CALML4: variants seen among roughly 807,000 people sequenced by gnomAD.
CALML4 encodes calmodulin like 4.
Under a neutral mutation model 17.9 loss-of-function variants are expected in CALML4, and 16 were observed. That is an observed-to-expected ratio of 0.89 (90% CI 0.61 to 1.36). The LOEUF (loss-of-function observed/expected upper bound fraction) is 1.36, where lower values mean the gene tolerates loss of function less well. Among genes scored for constraint, CALML4 ranks in the 40% most tolerant of loss-of-function variants. CALML4 has a pLI of 0.00. For missense variants in CALML4, 203 were observed against 194.8 expected, an observed-to-expected ratio of 1.04 and a Z score of -0.25; for synonymous variants, 86 against 71.5, an observed-to-expected ratio of 1.20 and a Z score of -1.02.
Position 68,197,519 on chromosome 15 carries a change from CT to C in CALML4, c.284del (p.Lys95ArgfsTer43). On this transcript the variant is annotated frameshift_variant, in exon 4 of 5. Coordinates refer to ENST00000467889, the MANE Select transcript of CALML4 (RefSeq NM_033429.3). LOFTEE classifies it high-confidence loss of function. This position sits in a 1 kb window ranked among gnomAD's most constrained non-coding sequence, Gnocchi z 4.1. ...ACGCCATGACGTAACCTTTCTTCTCCTTGTCCACCATCAACATGGCTAGAAG... is the reference window on the plus strand; with the variant it reads ...ACGCCATGACGTAACCTTTCTTCTCCTGTCCACCATCAACATGGCTAGAAG... ...EILLAMLMVD[K>X]EKKGYVMASD... 1 of 1,614,116 alleles carries C rather than the reference CT, an allele frequency of 6.2e-7. No homozygotes were observed. The highest frequency in any genetic ancestry group is 8.5e-7 in the Non-Finnish European group (1 of 1,180,022).
chr15:68,201,917 A>G (rs1234866084), intron 2 of CALML4, among the ~76,000 whole-genome samples: 1 of 151,932 alleles, frequency 6.6e-6, no homozygotes, highest in Non-Finnish European at 1.5e-5. Context: ...TTTTCTCCTG[A>G]CAGGTCGGCC....
chr15:68,199,215 C>T (rs994719211), intron 3 of CALML4, among the ~76,000 whole-genome samples: 1 of 151,922 alleles, frequency 6.6e-6, no homozygotes. Flanking sequence ...GTTTTTGGAG[C>T]TAAGCACATG....
Position 68,199,575 on chromosome 15 carries a change from C to T in CALML4, c.141G>A (p.Gly47=). The change falls in exon 3 of 5, where the codon GGG becomes GGA. Residue 47 remains glycine (G), a synonymous_variant. Transcript: ENST00000467889. ...GGGTCTGCAGGTGCCGCTGCACCTC[C>T]CCTGGCGTCGGGCTGGCCCCCAGGC... The part of the protein sequence containing the change: ...MRCLGASPTP[G]EVQRHLQTHG... The T allele has an allele frequency of 6.2e-7, 1 of 1,613,798 alleles. No homozygotes were observed. Among genetic ancestry groups the T allele is most frequent in the Non-Finnish European group, 8.5e-7 (1 of 1,179,958 alleles).
chr15:68,195,820 T>G (rs2093141996), intron 4 of CALML4, among the ~76,000 whole-genome samples: 1 of 152,102 alleles, frequency 6.6e-6, no homozygotes, highest in South Asian at 2.1e-4. Flanking sequence ...TGCTGGTTAT[T>G]AGAGATGTAT....
chr15:68,205,509 C>T, upstream of CALML4: 1 of 1,104,446 alleles, frequency 9.1e-7, no homozygotes, highest in Non-Finnish European at 1.3e-6. This position sits in a 1 kb window ranked among gnomAD's most constrained non-coding sequence, Gnocchi z 4.8. Context: ...GAGTCTCTGC[C>T]TCCAGAAGCC....
rs969887217 is a variant in CALML4 at position 68,205,084 on chromosome 15, T to A, written c.34+37A>T. ...CAAATTGCCTAATGAGACCCATATT[T>A]TGCTGAGTTGCTAATCAAAGAACAA... On this transcript the variant is annotated intron_variant, in intron 2 of 4. Coordinates refer to ENST00000467889, the MANE Select transcript of CALML4 (RefSeq NM_033429.3). The surrounding 1 kb of genome is among the most constrained non-coding windows in gnomAD (Gnocchi z 4.8). The A allele has an allele frequency of 6.2e-7, 1 of 1,612,254 alleles. No individual in the cohort carries two copies. The highest frequency in any genetic ancestry group is 1.3e-5 in the African/African-American group (1 of 74,944).
chr15:68,201,753 C>T (rs548194467), intron 2 of CALML4, among the ~76,000 whole-genome samples: 197 of 152,354 alleles, frequency 1.3e-3, no homozygotes, highest in Non-Finnish European at 1.7e-3. Flanking sequence ...CTGCCTCAGA[C>T]GCCTTTAAAG....
chr15:68,201,304 G>GCCCAGGGGAA (rs2093164831), intron 2 of CALML4, among the ~76,000 whole-genome samples: 1 of 152,084 alleles, frequency 6.6e-6, no homozygotes, highest in Non-Finnish European at 1.5e-5. Flanking sequence ...GCCAGAGCCT[G>GCCCAGGGGAA]GCCTAAGACC....
At position 68,205,142 on chromosome 15, in the gene CALML4, G is replaced by T. The variant is rs1346749671; in HGVS notation, c.13C>A (p.Leu5Ile). The T allele has an allele frequency of 1.2e-6, 2 of 1,614,198 alleles. No homozygotes were observed. Among genetic ancestry groups the T allele is most frequent in the Admixed American group, 1.7e-5 (1 of 60,030 alleles). MAKF[L>I]SQDQINEYKE... Reference sequence around the variant, plus strand: ...CTACCATTAATTTGGTCTTGGGAAAGAAACTTGGCCTGCAGCAGAGAAAGG... The same window carrying T: ...CTACCATTAATTTGGTCTTGGGAAATAAACTTGGCCTGCAGCAGAGAAAGG... The change falls in exon 2 of 5, where the codon CTT becomes ATT. Residue 5 changes from leucine (L) to isoleucine (I), a missense_variant. Leu to Ile is a conservative substitution (Grantham distance 5). Coordinates refer to ENST00000467889, the MANE Select transcript of CALML4 (RefSeq NM_033429.3). The surrounding 1 kb of genome is among the most constrained non-coding windows in gnomAD (Gnocchi z 4.8).
In CALML4 at chr15:68,200,735, C is replaced by T. The variant is rs2093162854; in HGVS notation, c.35-1054G>A. ...GGGCTCTGTTCTCTCTCCTGCTTCT[C>T]ACACCACCCAGGTAGGTCCTTAGAG... On this transcript the variant is annotated intron_variant, in intron 2 of 4. Coordinates refer to ENST00000467889, the MANE Select transcript of CALML4 (RefSeq NM_033429.3). This position sits in a 1 kb window ranked among gnomAD's most constrained non-coding sequence, Gnocchi z 4.3. Among the ~76,000 whole-genome samples, 1 of 152,182 alleles carries T rather than the reference C, an allele frequency of 6.6e-6. No individual in the cohort carries two copies. The highest frequency in any genetic ancestry group is 2.1e-4 in the South Asian group (1 of 4,830).
chr15:68,193,894 G>T lies in CALML4; in HGVS notation c.*121C>A. The T allele has an allele frequency of 1.5e-6, 1 of 658,266 alleles. No individual in the cohort carries two copies. The highest frequency in any genetic ancestry group is 2.6e-5 in the Admixed American group (1 of 38,000). The allele number at this position is 658,266 out of a possible 1,614,324, so 40.8% of individuals were successfully genotyped here. On this transcript the variant is annotated 3_prime_UTR_variant, in exon 5 of 5. Transcript: ENST00000467889. The stretch of plus-strand genomic sequence containing the variant: ...GTTGCTAGTTAGCCTCTCTTCTATA[G>T]TTGGGTAATGTTGTCTTGCCACTGT...
In CALML4 at chr15:68,193,790, G is replaced by A; in HGVS notation, c.*225C>T. On this transcript the variant is annotated 3_prime_UTR_variant, in exon 5 of 5. Transcript: ENST00000467889. ...GCTCCTTCCATGCTTGAAAGGGCCGGACTCACGGTAGTTAATAAAATCAAT... is the reference window on the plus strand; with the variant it reads ...GCTCCTTCCATGCTTGAAAGGGCCGAACTCACGGTAGTTAATAAAATCAAT... The A allele has an allele frequency of 2.1e-6, 1 of 472,220 alleles. No homozygotes were observed. The highest frequency in any genetic ancestry group is 3.0e-5 in the South Asian group (1 of 33,740). 29.3% of individuals were successfully genotyped at this position (472,220 alleles called of 1,614,324 possible). A position where few individuals can be genotyped will look rare whatever the true frequency, so the allele number is the denominator to read the frequency against.
intron 2 of CALML4, among the ~76,000 whole-genome samples, chr15:68,201,003 A>G (rs1236541987): frequency 6.6e-6 from 1 of 151,640 alleles, no homozygotes; most frequent in Non-Finnish European, 1.5e-5. Flanking sequence ...AGGGTGAGGG[A>G]GAGGATGCAG....
At position 68,201,981 on chromosome 15, in the gene CALML4, C is replaced by A. The variant is rs371354532; in HGVS notation, c.35-2300G>T. Among the ~76,000 whole-genome samples the A allele has an allele frequency of 1.2e-3, 180 of 152,322 alleles. 1 individual carries two copies. The highest frequency in any genetic ancestry group is 3.9e-3 in the African/African-American group (164 of 41,560). On this transcript the variant is annotated intron_variant, in intron 2 of 4. Transcript: ENST00000467889. ...CACGTTCCCCTCCCTCGATGGTGACCCCCTGTGAGGAAGGGATTTTTGTCT... is the reference window on the plus strand; with the variant it reads ...CACGTTCCCCTCCCTCGATGGTGACACCCTGTGAGGAAGGGATTTTTGTCT...
chr15:68,194,856 A>T (rs2093136481), intron 4 of CALML4, among the ~76,000 whole-genome samples: 1 of 151,472 alleles, frequency 6.6e-6, no homozygotes, highest in Non-Finnish European at 1.5e-5. Flanking sequence ...TTTTCCCCTA[A>T]GCCGGTGCTC....
Position 68,199,640 on chromosome 15 carries a change from C to T in CALML4, c.76G>A (p.Gly26Arg), listed in dbSNP as rs1178690106. The T allele has an allele frequency of 6.2e-7, 1 of 1,613,532 alleles. No homozygotes were observed. ...ATGAGGTCGGTGGCTTTTATCTTCC[C>T]CCTCTGCTGCTTGTCATACAGGGAG... ...CFSLYDKQQR[G>R]KIKATDLMVA... Residue 26 changes from glycine (G) to arginine (R), a missense_variant, in exon 3 of 5, where the codon GGG becomes AGG. Physicochemically the swap from Gly to Arg is moderately radical, Grantham distance 125. Coordinates refer to ENST00000467889, the MANE Select transcript of CALML4 (RefSeq NM_033429.3).
Position 68,200,562 on chromosome 15 carries a change from C to T in CALML4, c.35-881G>A, listed in dbSNP as rs8032543. On this transcript the variant is annotated intron_variant, in intron 2 of 4. Coordinates refer to ENST00000467889, the MANE Select transcript of CALML4 (RefSeq NM_033429.3). This position sits in a 1 kb window ranked among gnomAD's most constrained non-coding sequence, Gnocchi z 4.3. ...GGGAGTTCAGGAAAAGTCCCTGAACCGCACTGACTGAGCATCTGATTTAGG... is the reference window on the plus strand; with the variant it reads ...GGGAGTTCAGGAAAAGTCCCTGAACTGCACTGACTGAGCATCTGATTTAGG... 0.014 allele frequency among the ~76,000 whole-genome samples: 2,193 copies of T among 152,312 alleles called. 54 individuals carry two copies. Among genetic ancestry groups the T allele is most frequent in the African/African-American group, 0.051 (2,101 of 41,560 alleles).
rs1340870571 is a variant in CALML4 at position 68,190,981 on chromosome 15, A to T, written c.*3034T>A. 1.3e-5 allele frequency: 2 copies of T among 152,252 alleles called. No individual in the cohort carries two copies. The highest frequency in any genetic ancestry group is 4.8e-5 in the African/African-American group (2 of 41,452). The allele number at this position is 152,252 out of a possible 1,614,324, so 9.4% of individuals were successfully genotyped here. ...CTAACTAAATTAATGTGGAAAGAGC[A>T]TTTTTTTAGACAATTTCAATTTTAA... On this transcript the variant is annotated 3_prime_UTR_variant, in exon 5 of 5. Coordinates refer to ENST00000467889, the MANE Select transcript of CALML4 (RefSeq NM_033429.3). This position sits in a 1 kb window ranked among gnomAD's most constrained non-coding sequence, Gnocchi z 4.7.
chr15:68,196,602 G>A (rs1166431911), intron 4 of CALML4, among the ~76,000 whole-genome samples: 1 of 152,158 alleles, frequency 6.6e-6, no homozygotes, highest in African/African-American at 2.4e-5. Flanking sequence ...CTGGCCTCGG[G>A]CAGAGGCAGA....
Sources: allele counts gnomAD v4.1 joint callset (sites outside exome capture counted in the v4.1 genomes callset), GRCh38; gene constraint gnomAD v4.1.1; non-coding constraint Gnocchi (gnomAD v3.1); transcripts MANE v1.5; gene names NCBI Gene and HGNC (gene_info 2026-07-23, HGNC 2026-07-21).